Variants in AFF2 observed in about 807,000 individuals in gnomAD.
The protein encoded by AFF2 is AF4/FMR2 family member 2.
A neutral mutation model predicts 76.9 loss-of-function variants in AFF2; 14 were observed. That is an observed-to-expected ratio of 0.18 (90% CI 0.12 to 0.28). The LOEUF is 0.28. AFF2 is among the 10% of genes least tolerant of loss of function. AFF2 has a pLI of 1.00. For missense variants in AFF2, 868 were observed against 1,001.1 expected (o/e 0.87, Z 1.79); for synonymous variants, 398 against 366.7 (o/e 1.09, Z -0.98).
At chrX:148,752,184 T>C (rs1341906440) in intron 3 of AFF2, among the ~76,000 whole-genome samples, 1 of 112,043 alleles carries the variant, frequency 8.9e-6, no homozygotes, top group African/African-American at 3.2e-5. Flanking sequence ...ATTCAGACTA[T>C]AGTACATGTA....
At chrX:148,885,443 G>A (rs1395375224) in intron 7 of AFF2, among the ~76,000 whole-genome samples, 5 of 111,237 alleles carry the variant, frequency 4.5e-5, no homozygotes, top group African/African-American at 6.5e-5. Context: ...TTTTACCTCC[G>A]TCATCCAGAG....
intron 9 of AFF2, among the ~76,000 whole-genome samples, chrX:148,930,629 T>A (rs1470869813): frequency 8.9e-6 from 1 of 112,584 alleles, no homozygotes; most frequent in Non-Finnish European, 1.9e-5. Context: ...GCATTCTAAA[T>A]GTCAAATTTC....
chrX:148,613,214 G>T (rs1279996280), intron 1 of AFF2, among the ~76,000 whole-genome samples: 3 of 112,054 alleles, frequency 2.7e-5, no homozygotes, highest in Non-Finnish European at 5.7e-5. Context: ...GTGGCCTATT[G>T]TGCTGGCAAT....
intron 8 of AFF2, 48 bp downstream of exon 8, chrX:148,886,033 GGA>G (rs1557279068): frequency 1.0e-6 from 1 of 998,927 alleles, no homozygotes. Context: ...GGGAGCAGGA[GGA>G]ACTGGAATGG....
chrX:148,593,324 A>G (rs1381611059), intron 1 of AFF2, among the ~76,000 whole-genome samples: 2 of 112,307 alleles, frequency 1.8e-5, no homozygotes, highest in African/African-American at 6.5e-5. Flanking sequence ...ATAAAATACA[A>G]TTCAAGGCCA....
chrX:148,765,584 A>G (rs2069503207), intron 3 of AFF2, among the ~76,000 whole-genome samples: 1 of 111,838 alleles, frequency 8.9e-6, no homozygotes, highest in Non-Finnish European at 1.9e-5. Flanking sequence ...CTAGGGTAAC[A>G]TTGAATGCCT....
chrX:148,794,828 T>G (rs2069946557), intron 3 of AFF2, among the ~76,000 whole-genome samples: 1 of 110,915 alleles, frequency 9.0e-6, no homozygotes, highest in South Asian at 3.9e-4. Flanking sequence ...ATGGCTCTAG[T>G]GGGAACTACA....
chrX:148,617,269 A>G (rs1309403477), intron 1 of AFF2, among the ~76,000 whole-genome samples: 2 of 111,769 alleles, frequency 1.8e-5, no homozygotes, highest in Non-Finnish European at 3.8e-5. Context: ...CGCCATTCTA[A>G]CCGGTGTGAG....
intron 4 of AFF2, among the ~76,000 whole-genome samples, chrX:148,811,983 CTT>C (rs369549004): frequency 0.021 from 2,121 of 103,065 alleles, 56 homozygotes; most frequent in African/African-American, 0.071. Flanking sequence ...GTATAGAATT[CTT>C]TTTTTTTTTT....
In AFF2 at chrX:148,540,407, CTTT is replaced by C. The variant is rs113746311; in HGVS notation, c.47+39277_47+39279del. On this transcript the variant is annotated intron_variant, in intron 1 of 20. Coordinates refer to ENST00000370460, the MANE Select transcript of AFF2 (RefSeq NM_002025.4). ...TGTGGCTGACCAGCTAAAAAGTGAC[CTTT>C]TTTTTTTTTTTTTCATGTTCTCAGA... Among the ~76,000 whole-genome samples, 210 of 94,063 alleles carry C rather than the reference CTTT, an allele frequency of 2.2e-3. 1 individual carries two copies. The highest frequency in any genetic ancestry group is 6.5e-3 in the African/African-American group (165 of 25,368). The allele number at this position is 94,063 out of a possible 115,157, so 81.7% of individuals were successfully genotyped here.
Position 148,538,337 on chromosome X carries a change from T to C in AFF2, c.47+37193T>C, listed in dbSNP as rs371483948. 2.7e-5 allele frequency among the ~76,000 whole-genome samples: 3 copies of C among 111,881 alleles called. No homozygotes were observed. In the South Asian group the frequency reaches 1.1e-3, roughly 42 times the overall value. On this transcript the variant is annotated intron_variant, in intron 1 of 20. Transcript: ENST00000370460. ...CCTCACCCTAGAGTCTCTGCTTCAG[T>C]GTGTCTGGCGTGGGACTTGAGAAGC... is the stretch of plus-strand genomic sequence containing the variant.
chrX:148,644,949 TAGA>T (rs2124448332), intron 1 of AFF2, among the ~76,000 whole-genome samples: 1 of 112,179 alleles, frequency 8.9e-6, no homozygotes, highest in South Asian at 3.7e-4. Context: ...AACCAAGTGA[TAGA>T]AGAAATATTT....
chrX:148,539,808 C>T (rs2052832230), intron 1 of AFF2, among the ~76,000 whole-genome samples: 1 of 111,405 alleles, frequency 9.0e-6, no homozygotes, highest in South Asian at 3.8e-4. Context: ...GTAAGCCCTA[C>T]TAAGCCCTAC....
chrX:148,595,959 A>G (rs1557247256), intron 1 of AFF2, among the ~76,000 whole-genome samples: 1 of 111,880 alleles, frequency 8.9e-6, no homozygotes, highest in Non-Finnish European at 1.9e-5. Flanking sequence ...TGTTGAGAAG[A>G]AGGAATAATC....
At chrX:148,963,269 C>T (rs1323168469) in intron 13 of AFF2, among the ~76,000 whole-genome samples, 2 of 111,906 alleles carry the variant, frequency 1.8e-5, no homozygotes, top group Non-Finnish European at 3.8e-5. Context: ...AGAAATATAT[C>T]ATCCTTCTTA....
intron 9 of AFF2, among the ~76,000 whole-genome samples, chrX:148,936,411 G>A (rs782212393): frequency 1.8e-5 from 2 of 111,971 alleles, no homozygotes; most frequent in Non-Finnish European, 3.8e-5. Context: ...AGTTAGCAGC[G>A]CACTCGGTAA....
At chrX:148,646,340 A>G (rs782480465) in intron 1 of AFF2, among the ~76,000 whole-genome samples, 10 of 111,807 alleles carry the variant, frequency 8.9e-5, no homozygotes, top group Non-Finnish European at 1.7e-4. Flanking sequence ...AAAAGAGAGG[A>G]CTAGAAAAGA....
chrX:148,530,593 C>CTTTTTTT (rs111769731), intron 1 of AFF2, among the ~76,000 whole-genome samples: 1 of 104,049 alleles, frequency 9.6e-6, no homozygotes, highest in Non-Finnish European at 2.0e-5. Context: ...AAATTTGCTC[C>CTTTTTTT]TTTTTTTTTT....
intron 1 of AFF2, among the ~76,000 whole-genome samples, chrX:148,544,736 G>A (rs1449081347): frequency 8.9e-6 from 1 of 112,013 alleles, no homozygotes; most frequent in African/African-American, 3.3e-5. Context: ...CCTCTTATGA[G>A]TCCACTGAGC....
Sources: allele counts gnomAD v4.1 joint callset (sites outside exome capture counted in the v4.1 genomes callset), GRCh38; gene constraint gnomAD v4.1.1; transcripts MANE v1.5; gene names NCBI Gene and HGNC (gene_info 2026-07-23, HGNC 2026-07-21).